Variants in ATF7IP observed in about 807,000 individuals in gnomAD.
ATF7IP encodes the protein activating transcription factor 7-interacting protein 1.
ATF7IP carries 23 observed loss-of-function variants against 106.4 expected under a neutral mutation model. The observed-to-expected ratio is 0.22, with a 90% confidence interval of 0.16 to 0.31. The LOEUF is 0.31. Among genes scored for constraint, ATF7IP ranks in the 10% least tolerant of loss-of-function variants. ATF7IP has a pLI of 1.00. For synonymous variants in ATF7IP, 542 were observed against 539.0 expected (o/e 1.01, Z -0.08); for missense variants, 1,334 against 1,524.3 (o/e 0.88, Z 2.08).
At chr12:14,375,338 G>A (rs1175077973) in intron 1 of ATF7IP, among the ~76,000 whole-genome samples, 1 of 151,896 alleles carries the variant, frequency 6.6e-6, no homozygotes, top group African/African-American at 2.4e-5. Flanking sequence ...AGGAAAAACA[G>A]TTTTCAATGT....
At chr12:14,448,157 A>G (rs536101550) in intron 6 of ATF7IP, among the ~76,000 whole-genome samples, 23 of 152,278 alleles carry the variant, frequency 1.5e-4, no homozygotes, top group Non-Finnish European at 2.9e-4. Flanking sequence ...ATATCAATAA[A>G]TAGTAATCAT....
At chr12:14,401,970 C>T (rs906851347) in intron 1 of ATF7IP, among the ~76,000 whole-genome samples, 3 of 151,664 alleles carry the variant, frequency 2.0e-5, no homozygotes, top group African/African-American at 7.3e-5. Flanking sequence ...CCTCGGCCTC[C>T]AAAAGTGCTG....
intron 13 of ATF7IP, among the ~76,000 whole-genome samples, chr12:14,486,928 A>C (rs1054710235): frequency 4.6e-5 from 7 of 152,168 alleles, no homozygotes; most frequent in African/African-American, 1.7e-4. Flanking sequence ...GGCATTGGTC[A>C]AGGGTATATC....
At chr12:14,492,537 G>C (rs1046166702) in intron 13 of ATF7IP, among the ~76,000 whole-genome samples, 3 of 152,042 alleles carry the variant, frequency 2.0e-5, no homozygotes, top group Non-Finnish European at 4.4e-5. Context: ...TCATCATTCT[G>C]TTTTTATTAT....
chr12:14,452,163 C>T (rs539021373), intron 6 of ATF7IP, among the ~76,000 whole-genome samples: 2 of 152,108 alleles, frequency 1.3e-5, no homozygotes, highest in African/African-American at 4.8e-5. Context: ...ATGGCCCATC[C>T]TTACTCTCTT....
intron 6 of ATF7IP, among the ~76,000 whole-genome samples, chr12:14,450,344 C>T (rs573985040): frequency 1.7e-4 from 26 of 152,150 alleles, no homozygotes; most frequent in African/African-American, 6.3e-4. Flanking sequence ...ATTTCCATTT[C>T]TGGTTTGATG....
At chr12:14,374,399 C>T (rs1938652273) in intron 1 of ATF7IP, among the ~76,000 whole-genome samples, 1 of 150,626 alleles carries the variant, frequency 6.6e-6, no homozygotes, top group South Asian at 2.1e-4. Context: ...CAGGTGTGAG[C>T]CACTGTGCCT....
chr12:14,448,811 G>A (rs969475912), intron 6 of ATF7IP, among the ~76,000 whole-genome samples: 6 of 152,064 alleles, frequency 3.9e-5, no homozygotes, highest in African/African-American at 7.2e-5. Flanking sequence ...CCTCGCTAAC[G>A]TGTTATTTTC....
chr12:14,441,790 A>G (rs1278757738), intron 5 of ATF7IP, among the ~76,000 whole-genome samples: 1 of 151,940 alleles, frequency 6.6e-6, no homozygotes, highest in Non-Finnish European at 1.5e-5. Flanking sequence ...CGCCCTGCCC[A>G]GGATACCAAA....
chr12:14,474,785 A>AT (rs1461149157), intron 10 of ATF7IP, among the ~76,000 whole-genome samples: 1 of 152,040 alleles, frequency 6.6e-6, no homozygotes, highest in African/African-American at 2.4e-5. Context: ...GTATTGACTT[A>AT]TTTTTTCGTC....
chr12:14,366,020 CG>C (rs1938273774), intron 1 of ATF7IP, among the ~76,000 whole-genome samples, 193 bp downstream of exon 1: 1 of 152,092 alleles, frequency 6.6e-6, no homozygotes, highest in Non-Finnish European at 1.5e-5. Flanking sequence ...GTGCAGCTGG[CG>C]GGGCGGTGGC....
At chr12:14,431,723 G>C (rs1942152031) in intron 2 of ATF7IP, among the ~76,000 whole-genome samples, 1 of 152,050 alleles carries the variant, frequency 6.6e-6, no homozygotes, top group Non-Finnish European at 1.5e-5. Context: ...CCTACTATTT[G>C]GATGAGTTTC....
intron 1 of ATF7IP, among the ~76,000 whole-genome samples, chr12:14,395,993 A>G (rs1939818425): frequency 6.6e-6 from 1 of 152,232 alleles, no homozygotes; most frequent in African/African-American, 2.4e-5. Context: ...TGCAATAAAA[A>G]TAATCTACTA....
intron 1 of ATF7IP, among the ~76,000 whole-genome samples, chr12:14,398,709 T>G (rs1940003895): frequency 1.3e-5 from 2 of 152,050 alleles, no homozygotes; most frequent in Non-Finnish European, 2.9e-5. Flanking sequence ...TTTTCCTGAA[T>G]TATTTAAACT....
intron 2 of ATF7IP, among the ~76,000 whole-genome samples, chr12:14,433,557 C>G: frequency 6.6e-6 from 1 of 151,128 alleles, no homozygotes; most frequent in Non-Finnish European, 1.5e-5. Context: ...GTAATCCCAG[C>G]TACTCAGGAG....
intron 10 of ATF7IP, among the ~76,000 whole-genome samples, chr12:14,469,120 C>A (rs1221099393): frequency 6.6e-6 from 1 of 152,064 alleles, no homozygotes; most frequent in African/African-American, 2.4e-5. Context: ...CCTATAATCC[C>A]AGCACTTTGG....
At chr12:14,379,833 G>T (rs1938925443) in intron 1 of ATF7IP, among the ~76,000 whole-genome samples, 1 of 152,052 alleles carries the variant, frequency 6.6e-6, no homozygotes, top group Admixed American at 6.5e-5. Context: ...TTGTAGAATT[G>T]GTTATTAGTC....
At chr12:14,398,031 G>T (rs927692833) in intron 1 of ATF7IP, among the ~76,000 whole-genome samples, 1 of 151,894 alleles carries the variant, frequency 6.6e-6, no homozygotes, top group Non-Finnish European at 1.5e-5. Context: ...CAATTGTTAC[G>T]TTATTATGTT....
Position 14,498,727 on chromosome 12 carries a change from A to G in ATF7IP, c.*654A>G, listed in dbSNP as rs948643713. ...TGCCTTAAAGATTAACTACAAAGAT[A>G]AACATGGCCAAAAATAAATAAATAA... On this transcript the variant is annotated 3_prime_UTR_variant, in exon 15 of 15. Transcript: ENST00000261168. 2.0e-5 allele frequency: 3 copies of G among 152,660 alleles called. No individual in the cohort carries two copies. The highest frequency in any genetic ancestry group is 7.2e-5 in the African/African-American group (3 of 41,454). 9.5% of individuals were successfully genotyped at this position (152,660 alleles called of 1,614,324 possible).
Sources: gnomAD v4.1 joint callset for allele counts (sites outside exome capture counted in the v4.1 genomes callset) on GRCh38, gnomAD v4.1.1 for gene constraint, MANE v1.5 for transcripts, NCBI Gene and HGNC (gene_info 2026-07-23, HGNC 2026-07-21) for gene names.